The following PRKG1 variants were observed in gnomAD, a reference collection of about 807,000 sequenced individuals.
PRKG1 encodes cGMP-dependent protein kinase 1.
Under a neutral mutation model 88.1 loss-of-function variants are expected in PRKG1, and 35 were observed. The ratio of observed to expected loss-of-function variants is 0.40; its 90% CI spans 0.30 to 0.53. The LOEUF is 0.53. Among genes scored for constraint, PRKG1 ranks in the 20% least tolerant of loss-of-function variants. PRKG1 has a pLI of 0.59. For synonymous variants in PRKG1, 303 were observed against 292.5 expected, an observed-to-expected ratio of 1.04 and a Z score of -0.37; for missense variants, 540 against 839.8, an observed-to-expected ratio of 0.64 and a Z score of 4.41.
At chr10:51,357,026 T>C (rs1476310693) in intron 2 of PRKG1, among the ~76,000 whole-genome samples, 1 of 151,962 alleles carries the variant, frequency 6.6e-6, no homozygotes, top group Admixed American at 6.6e-5. Context: ...ATTGTTTTAA[T>C]AACTGTGGTG....
At chr10:51,081,710 C>G (rs1343990375) in intron 1 of PRKG1, among the ~76,000 whole-genome samples, 1 of 152,172 alleles carries the variant, frequency 6.6e-6, no homozygotes. Context: ...CTGTGCCAGG[C>G]ACTGCTCCTG....
chr10:52,294,063 A>G lies in PRKG1; in HGVS notation c.*163A>G. Reference sequence around the variant, plus strand: ...ACAGTGGCATTAGGACTTACCGCTTAGATGACAATAGTGCTCTTTACATGT... The same window carrying G: ...ACAGTGGCATTAGGACTTACCGCTTGGATGACAATAGTGCTCTTTACATGT... On this transcript the variant is annotated 3_prime_UTR_variant, in exon 18 of 18. Transcript: ENST00000373980. The G allele has an allele frequency of 1.8e-6, 1 of 548,970 alleles. No individual in the cohort carries two copies. The highest frequency in any genetic ancestry group is 3.2e-6 in the Non-Finnish European group (1 of 310,626). The allele number at this position is 548,970 out of a possible 1,614,324, so 34.0% of individuals were successfully genotyped here.
At chr10:51,809,959 T>A (rs2132621462) in intron 4 of PRKG1, among the ~76,000 whole-genome samples, 1 of 152,300 alleles carries the variant, frequency 6.6e-6, no homozygotes, top group Middle Eastern at 3.4e-3. Flanking sequence ...TCTCCTTAGA[T>A]GCTCCACAGC....
intron 3 of PRKG1, among the ~76,000 whole-genome samples, chr10:51,757,413 C>A (rs766821639): frequency 5.9e-5 from 9 of 151,964 alleles, no homozygotes; most frequent in Non-Finnish European, 1.2e-4. Flanking sequence ...CCCTCAGTGG[C>A]CTACTTTAAA....
chr10:52,289,282 G>A (rs2132460871), intron 16 of PRKG1, among the ~76,000 whole-genome samples: 1 of 151,790 alleles, frequency 6.6e-6, no homozygotes, highest in Admixed American at 6.6e-5. Flanking sequence ...TTAAATTTGG[G>A]GATTCTATTC....
At chr10:51,863,413 A>C (rs2132840592) in intron 4 of PRKG1, among the ~76,000 whole-genome samples, 1 of 152,256 alleles carries the variant, frequency 6.6e-6, no homozygotes, top group East Asian at 1.9e-4. Flanking sequence ...CTATGCTTAA[A>C]ATTTATTTTA....
chr10:51,874,023 T>C (rs1841228640), intron 4 of PRKG1, among the ~76,000 whole-genome samples: 1 of 152,210 alleles, frequency 6.6e-6, no homozygotes, highest in African/African-American at 2.4e-5. Context: ...TTATCTGTTT[T>C]AGCTACTTGA....
intron 2 of PRKG1, among the ~76,000 whole-genome samples, chr10:51,174,977 C>T (rs1457838737): frequency 2.0e-5 from 3 of 151,876 alleles, no homozygotes; most frequent in South Asian, 2.1e-4. Flanking sequence ...TTTATTTATA[C>T]GTTGTGAGTA....
intron 2 of PRKG1, among the ~76,000 whole-genome samples, chr10:51,188,424 T>C (rs566376416): frequency 6.6e-6 from 1 of 152,118 alleles, no homozygotes; most frequent in East Asian, 1.9e-4. Context: ...TTTTTCAATG[T>C]CTATCTTATG....
At chr10:52,040,667 G>A (rs1845732797) in intron 5 of PRKG1, among the ~76,000 whole-genome samples, 1 of 152,000 alleles carries the variant, frequency 6.6e-6, no homozygotes, top group Non-Finnish European at 1.5e-5. Context: ...GATGACTTTT[G>A]TTCCTTTCAC....
chr10:51,045,652 G>T (rs1843480171), intron 1 of PRKG1, among the ~76,000 whole-genome samples: 1 of 152,046 alleles, frequency 6.6e-6, no homozygotes, highest in Admixed American at 6.6e-5. Context: ...TCCTGTCCTT[G>T]TCCATATGCA....
rs34073058 is a variant in PRKG1 at position 51,959,624 on chromosome 10, G to C, written c.762+52054G>C. Reference sequence around the variant, plus strand: ...CTGTTGAGTGAGATCTAGGCAGTGAGTGTTTGAATTAGGGCAGGAGTCATA... The same window carrying C: ...CTGTTGAGTGAGATCTAGGCAGTGACTGTTTGAATTAGGGCAGGAGTCATA... On this transcript the variant is annotated intron_variant, in intron 5 of 17. Transcript: ENST00000373980. Among the ~76,000 whole-genome samples the C allele has an allele frequency of 5.9e-5, 9 of 152,220 alleles. No individual in the cohort carries two copies. In the East Asian group the frequency reaches 1.7e-3, roughly 29 times the overall value.
intron 3 of PRKG1, among the ~76,000 whole-genome samples, chr10:51,674,070 C>T (rs966083988): frequency 2.0e-5 from 3 of 152,152 alleles, no homozygotes; most frequent in Admixed American, 2.0e-4. Context: ...TTGTCTCTTT[C>T]TACTTAGTTC....
chr10:51,696,972 G>C (rs117136630), intron 3 of PRKG1: 1 of 151,928 alleles, frequency 6.6e-6, no homozygotes, highest in Non-Finnish European at 1.5e-5. Flanking sequence ...TAACCTGGTT[G>C]ATCTTAGAAT....
At chr10:51,739,699 G>A (rs759915724) in intron 3 of PRKG1, among the ~76,000 whole-genome samples, 25 of 152,206 alleles carry the variant, frequency 1.6e-4, no homozygotes, top group Middle Eastern at 3.4e-3. Context: ...TAGGCCAGGC[G>A]TGGTGGCTCA....
intron 5 of PRKG1, among the ~76,000 whole-genome samples, chr10:52,046,164 C>A (rs1168397077): frequency 2.6e-5 from 4 of 151,968 alleles, no homozygotes; most frequent in Non-Finnish European, 5.9e-5. Context: ...TTAGATTGTT[C>A]AGAGGTTGAA....
chr10:51,165,881 T>C (rs1846525230), intron 2 of PRKG1, among the ~76,000 whole-genome samples: 2 of 152,144 alleles, frequency 1.3e-5, no homozygotes, highest in African/African-American at 4.8e-5. Context: ...TTATTCCCCA[T>C]TGGAAAAAAG....
intron 3 of PRKG1, among the ~76,000 whole-genome samples, chr10:51,615,511 A>T (rs1000083850): frequency 6.6e-6 from 1 of 151,822 alleles, no homozygotes; most frequent in African/African-American, 2.4e-5. Flanking sequence ...TGCTTTGCTC[A>T]TTCTTTTTTA....
chr10:51,901,460 A>T (rs938459998), intron 4 of PRKG1, among the ~76,000 whole-genome samples: 4 of 152,224 alleles, frequency 2.6e-5, no homozygotes, highest in African/African-American at 9.6e-5. Flanking sequence ...TGAAAGATGC[A>T]GTGCAATAAT....
Sources: gnomAD v4.1 joint callset for allele counts (sites outside exome capture counted in the v4.1 genomes callset) on GRCh38, gnomAD v4.1.1 for gene constraint, MANE v1.5 for transcripts, NCBI Gene and HGNC (gene_info 2026-07-23, HGNC 2026-07-21) for gene names.